POLR2E: variants seen among roughly 807,000 people sequenced by gnomAD.
POLR2E encodes the protein DNA-directed RNA polymerases I, II, and III subunit RPABC1.
In POLR2E, 35 loss-of-function variants were observed where a neutral mutation model predicts 29.8. That is an observed-to-expected ratio of 1.17 (90% CI 0.90 to 1.55). The LOEUF (loss-of-function observed/expected upper bound fraction) is 1.55. Among genes scored for constraint, POLR2E ranks in the 40% most tolerant of loss-of-function variants. The pLI, the probability that POLR2E is intolerant of heterozygous loss-of-function variation, is 0.00. For missense variants in POLR2E, 287 were observed against 288.6 expected, an observed-to-expected ratio of 0.99 and a Z score of 0.04; for synonymous variants, 174 against 112.6, an observed-to-expected ratio of 1.55 and a Z score of -3.45.
At chr19:1,095,222 G>A (rs1449538305) in intron 1 of POLR2E, 37 bp downstream of exon 1, 1 of 1,606,648 alleles carries the variant, frequency 6.2e-7, no homozygotes, top group South Asian at 1.1e-5. Flanking sequence ...TACACCCGCC[G>A]CCCGCGCCCC....
intron 2 of POLR2E, 115 bp downstream of exon 2, chr19:1,093,789 C>T: frequency 7.0e-7 from 1 of 1,425,458 alleles, no homozygotes; most frequent in East Asian, 2.7e-5. Context: ...TCCTCCCAGA[C>T]TGGGCAGAGA....
At chr19:1,090,446 G>A (rs2043804993) in intron 4 of POLR2E, among the ~76,000 whole-genome samples, 1 of 148,872 alleles carries the variant, frequency 6.7e-6, no homozygotes, top group African/African-American at 2.5e-5. Context: ...GGCTGGGGTG[G>A]GCCCGGGATC....
In POLR2E at chr19:1,087,965, C is replaced by A. The variant is rs910679625; in HGVS notation, c.*770G>T. 6.6e-6 allele frequency: 1 copy of A among 150,514 alleles called. No homozygotes were observed. Among genetic ancestry groups the A allele is most frequent in the Non-Finnish European group, 1.5e-5 (1 of 68,076 alleles). 9.3% of individuals were successfully genotyped at this position (150,514 alleles called of 1,614,324 possible). A position where few individuals can be genotyped will look rare whatever the true frequency, so the allele number is the denominator to read the frequency against. On this transcript the variant is annotated 3_prime_UTR_variant, in exon 8 of 8. Transcript: ENST00000615234. Reference sequence around the variant, plus strand: ...AACCACAGCTGCACAAGCCAGAGAACAACTCCACACCCTCACGGGAAGGGA... The same window carrying A: ...AACCACAGCTGCACAAGCCAGAGAAAAACTCCACACCCTCACGGGAAGGGA...
chr19:1,091,081 G>GC (rs2043818767), intron 3 of POLR2E, 93 bp from the exon 4 acceptor site: 2 of 1,093,086 alleles, frequency 1.8e-6, no homozygotes, highest in Non-Finnish European at 2.7e-6. Flanking sequence ...TTACTCGTGT[G>GC]CCCCAACAAC....
At chr19:1,093,380 G>A (rs1405269428) in intron 2 of POLR2E, among the ~76,000 whole-genome samples, 1 of 152,150 alleles carries the variant, frequency 6.6e-6, no homozygotes, top group African/African-American at 2.4e-5. Flanking sequence ...CGCAAAGCAG[G>A]TGCTGAAACC....
intron 2 of POLR2E, among the ~76,000 whole-genome samples, chr19:1,093,216 A>G (rs1330037628): frequency 2.0e-5 from 3 of 152,110 alleles, no homozygotes; most frequent in Non-Finnish European, 4.4e-5. Flanking sequence ...AAACAAAAAA[A>G]CCCAGCAGCG....
rs201786683 is a variant in POLR2E, at chr19:1,089,968, A to G, written c.489-6T>C. On this transcript the variant is annotated splice_polypyrimidine_tract_variant and splice_region_variant and intron_variant, in intron 5 of 7. Coordinates refer to ENST00000615234, the MANE Select transcript of POLR2E (RefSeq NM_002695.5). The stretch of plus-strand genomic sequence containing the variant: ...GCTGGTTCTCTCGGAGCTTACTGCG[A>G]AGCACCGTCAGGAAAATGCCAGACA... The G allele has an allele frequency of 8.8e-6, 14 of 1,593,906 alleles. No individual in the cohort carries two copies. The highest frequency in any genetic ancestry group is 1.2e-5 in the Non-Finnish European group (14 of 1,170,822).
intron 4 of POLR2E, among the ~76,000 whole-genome samples, 200 bp from the exon 5 acceptor site, chr19:1,090,345 G>A (rs1456746655): frequency 1.3e-5 from 2 of 151,822 alleles, no homozygotes; most frequent in Non-Finnish European, 2.9e-5. Flanking sequence ...GGCTTCTGAG[G>A]CAGACGGGCT....
chr19:1,091,675 A>G (rs1599793944), intron 3 of POLR2E, 117 bp downstream of exon 3: 1 of 701,398 alleles, frequency 1.4e-6, no homozygotes, highest in South Asian at 1.6e-5. Context: ...CACATCCTCC[A>G]GGGCACCCTG....
Position 1,089,771 on chromosome 19 carries a change from C to T in POLR2E, c.567+113G>A, listed in dbSNP as rs1286052679. ...GATATTGGGGGTGTGGTCTCGAGGTCCCCTCCAGGCCCTGGATCAAGGGGG... is the reference window on the plus strand; with the variant it reads ...GATATTGGGGGTGTGGTCTCGAGGTTCCCTCCAGGCCCTGGATCAAGGGGG... On this transcript the variant is annotated intron_variant, in intron 6 of 7. Coordinates refer to ENST00000615234, the MANE Select transcript of POLR2E (RefSeq NM_002695.5). 5.5e-6 allele frequency: 5 copies of T among 901,500 alleles called. No homozygotes were observed. In the Admixed American group the frequency reaches 6.7e-5, roughly 12 times the overall value. The allele number at this position is 901,500 out of a possible 1,614,324, so 55.8% of individuals were successfully genotyped here. A position where few individuals can be genotyped will look rare whatever the true frequency, so the allele number is the denominator to read the frequency against.
chr19:1,090,980 G>C lies in POLR2E; in HGVS notation c.357C>G (p.Val119=), dbSNP rs369522668. ...CCAGGATGTACTTGGGGGCCATGTCGACCAGGGACTGGAAGAGAGCGGCTC... is the reference window on the plus strand; with the variant it reads ...CCAGGATGTACTTGGGGGCCATGTCCACCAGGGACTGGAAGAGAGCGGCTC... The part of the protein sequence containing the change: ...GMTPSAKQSL[V]DMAPKYILEQ... Residue 119 remains valine, a synonymous_variant, in exon 4 of 8, where the codon GTC becomes GTG. Transcript: ENST00000615234. 7.4e-6 allele frequency: 12 copies of C among 1,613,594 alleles called. No homozygotes were observed. Among genetic ancestry groups the C allele is most frequent in the Non-Finnish European group, 8.5e-6 (10 of 1,179,942 alleles).
chr19:1,091,899 T>C lies in POLR2E; in HGVS notation c.241A>G (p.Lys81Glu), dbSNP rs1368117488. Reference protein sequence around the residue: ...QMFVFFPEEPKVGIKTIKVYC... With the variant: ...QMFVFFPEEPEVGIKTIKVYC... Reference sequence around the variant, plus strand: ...ACCTTGATGGTCTTGATGCCCACCTTGGGCTCCTCTGCAGACAGAGAGTGT... The same window carrying C: ...ACCTTGATGGTCTTGATGCCCACCTCGGGCTCCTCTGCAGACAGAGAGTGT... Residue 81 changes from lysine (K) to glutamate (E), a missense_variant, in exon 3 of 8, where the codon AAG (lysine) becomes GAG (glutamate). By Grantham distance (56) the Lys-to-Glu change is moderately conservative. Transcript: ENST00000615234. The C allele has an allele frequency of 6.2e-7, 1 of 1,609,228 alleles. No individual in the cohort carries two copies. The highest frequency in any genetic ancestry group is 8.5e-7 in the Non-Finnish European group (1 of 1,176,646).
chr19:1,089,585 T>C, intron 6 of POLR2E, 34 bp from the exon 7 acceptor site: 1 of 1,583,880 alleles, frequency 6.3e-7, no homozygotes, highest in Non-Finnish European at 8.7e-7. Context: ...TGCGAATGCT[T>C]GAGGGGTCTC....
intron 6 of POLR2E, 62 bp from the exon 7 acceptor site, chr19:1,089,613 G>T: frequency 7.1e-7 from 1 of 1,403,464 alleles, no homozygotes; most frequent in Non-Finnish European, 1.0e-6. Context: ...TCACCAGACA[G>T]CAGGCGGGCA....
At position 1,089,672 on chromosome 19, in the gene POLR2E, G is replaced by T; in HGVS notation, c.568-121C>A. 3.3e-6 allele frequency: 3 copies of T among 900,502 alleles called. No homozygotes were observed. In the Middle Eastern group the frequency reaches 7.1e-4, roughly 213 times the overall value. The allele number at this position is 900,502 out of a possible 1,614,324, so 55.8% of individuals were successfully genotyped here. ...CAGGGGTCCGAGATGGCTGACCCTG[G>T]GCTGTGGGACCCGCTCCCTGGGAAC... On this transcript the variant is annotated intron_variant, in intron 6 of 7. Transcript: ENST00000615234.
chr19:1,094,350 A>G, intron 1 of POLR2E: 1 of 448,870 alleles, frequency 2.2e-6, no homozygotes, highest in South Asian at 3.6e-5. Flanking sequence ...GGCAGGGAGC[A>G]AAGCCCTCCA....
chr19:1,093,632 G>A (rs2038178652), intron 2 of POLR2E: 6 of 766,326 alleles, frequency 7.8e-6, no homozygotes, highest in Non-Finnish European at 1.1e-5. Context: ...GGACATGGGG[G>A]GCTGGGGGTG....
intron 4 of POLR2E, among the ~76,000 whole-genome samples, 191 bp from the exon 5 acceptor site, chr19:1,090,336 G>A (rs1472257634): frequency 6.6e-6 from 1 of 151,812 alleles, no homozygotes; most frequent in Non-Finnish European, 1.5e-5. Flanking sequence ...AGCTCCTGGG[G>A]CTTCTGAGGC....
At chr19:1,094,127 GC>G in intron 1 of POLR2E, 49 bp from the exon 2 acceptor site, 2 of 1,548,946 alleles carry the variant, frequency 1.3e-6, no homozygotes, top group Non-Finnish European at 1.8e-6. Flanking sequence ...GAGGAAGGCG[GC>G]CAAAGCTCGT....
Sources: allele counts gnomAD v4.1 joint callset (sites outside exome capture counted in the v4.1 genomes callset), GRCh38; gene constraint gnomAD v4.1.1; transcripts MANE v1.5; gene names NCBI Gene and HGNC (gene_info 2026-07-23, HGNC 2026-07-21).